The following GALNT13 variants were observed in gnomAD, a reference collection of about 807,000 sequenced individuals.
GALNT13 encodes polypeptide N-acetylgalactosaminyltransferase 13.
In GALNT13, 28 loss-of-function variants were observed where a neutral mutation model predicts 64.2. The observed-to-expected ratio is 0.44, with a 90% CI of 0.32 to 0.60. GALNT13 has a LOEUF of 0.60. GALNT13 is among the 20% of genes least tolerant of loss of function. The pLI is 0.05. For missense variants in GALNT13, 577 were observed against 669.8 expected (o/e 0.86, Z 1.53); for synonymous variants, 214 against 224.6 (o/e 0.95, Z 0.42).
At chr2:153,775,643 C>T in the GALNT13 span, among the ~76,000 whole-genome samples, 1 of 152,010 alleles carries the variant, frequency 6.6e-6, no homozygotes, top group South Asian at 2.1e-4. Flanking sequence ...ATATCTTTTT[C>T]ATCATGTACT....
chr2:154,006,236 G>A (rs1384521206), intron 3 of GALNT13, among the ~76,000 whole-genome samples: 1 of 152,132 alleles, frequency 6.6e-6, no homozygotes, highest in African/African-American at 2.4e-5. Flanking sequence ...AGAAAATTAT[G>A]TGAATTACTG....
the GALNT13 span, among the ~76,000 whole-genome samples, chr2:153,538,371 AT>A: frequency 2.3e-3 from 63 of 26,820 alleles, no homozygotes; most frequent in East Asian, 0.11. Flanking sequence ...TATTTTATTT[AT>A]TTTATTTTAT....
At chr2:154,412,412 G>A (rs1699832728) in intron 11 of GALNT13, among the ~76,000 whole-genome samples, 1 of 151,322 alleles carries the variant, frequency 6.6e-6, no homozygotes. Context: ...TTATTTTTAT[G>A]GTTATTTAGT....
At chr2:154,157,723 T>C (rs937042736) in intron 4 of GALNT13, among the ~76,000 whole-genome samples, 5 of 152,214 alleles carry the variant, frequency 3.3e-5, no homozygotes, top group African/African-American at 9.6e-5. Flanking sequence ...TTCCCTGCAA[T>C]TGACTTTTAT....
intron 4 of GALNT13, among the ~76,000 whole-genome samples, chr2:154,225,160 T>TAGATAGATAGATA (rs1553499132): frequency 1.8e-4 from 25 of 138,022 alleles, no homozygotes; most frequent in East Asian, 4.4e-4. Flanking sequence ...GATAGATAGA[T>TAGATAGATAGATA]GATAGATAGA....
chr2:153,729,557 A>G, the GALNT13 span, among the ~76,000 whole-genome samples: 14 of 152,190 alleles, frequency 9.2e-5, no homozygotes, highest in African/African-American at 3.1e-4. Flanking sequence ...CTCTGGAGTC[A>G]ATTTTGATGT....
chr2:153,379,356 T>G, the GALNT13 span, among the ~76,000 whole-genome samples: 2 of 152,274 alleles, frequency 1.3e-5, no homozygotes, highest in East Asian at 3.9e-4. Flanking sequence ...TAAAGAGGGT[T>G]GGAGACCATC....
chr2:153,538,326 C>CTTTTTTTTTTTTTTTTTTTTTTTTTATT, the GALNT13 span, among the ~76,000 whole-genome samples: 1 of 100,846 alleles, frequency 9.9e-6, no homozygotes, highest in Non-Finnish European at 2.2e-5. Flanking sequence ...TTTTTTAATT[C>CTTTTTTTTTTTTTTTTTTTTTTTTTATT]TTTTTTTTTT....
At chr2:153,753,754 C>A in the GALNT13 span, among the ~76,000 whole-genome samples, 1 of 152,330 alleles carries the variant, frequency 6.6e-6, no homozygotes, top group Middle Eastern at 3.4e-3. Flanking sequence ...GCTCTACAGT[C>A]AGCAGGTGGC....
chr2:153,493,181 A>G, the GALNT13 span, among the ~76,000 whole-genome samples: 1 of 152,116 alleles, frequency 6.6e-6, no homozygotes, highest in South Asian at 2.1e-4. Context: ...GAAAGTAATG[A>G]AATAGAAAGC....
chr2:153,925,202 T>C (rs1347602815), intron 2 of GALNT13, among the ~76,000 whole-genome samples: 1 of 152,140 alleles, frequency 6.6e-6, no homozygotes, highest in Non-Finnish European at 1.5e-5. Flanking sequence ...TATTCACATA[T>C]TTAATCCATC....
At chr2:153,858,431 G>A in the GALNT13 span, among the ~76,000 whole-genome samples, 1 of 152,136 alleles carries the variant, frequency 6.6e-6, no homozygotes, top group Non-Finnish European at 1.5e-5. Flanking sequence ...AGGAGCGCAG[G>A]GAGAGAAACA....
At chr2:153,126,294 TTGTATA>T in the GALNT13 span, among the ~76,000 whole-genome samples, 578 of 50,876 alleles carry the variant, frequency 0.011, 9 homozygotes, top group South Asian at 0.021. Flanking sequence ...AGTATTGATT[TTGTATA>T]TATATATATA....
chr2:153,762,135 G>T, the GALNT13 span: 3 of 152,198 alleles, frequency 2.0e-5, no homozygotes, highest in Non-Finnish European at 4.4e-5. Flanking sequence ...TAAGTATGCT[G>T]AACCATCCCA....
the GALNT13 span, among the ~76,000 whole-genome samples, chr2:153,205,179 T>G: frequency 1.3e-5 from 2 of 148,934 alleles, no homozygotes. Flanking sequence ...ACTTTAGTGT[T>G]TTTTTTTTTT....
the GALNT13 span, among the ~76,000 whole-genome samples, chr2:153,260,722 A>G: frequency 1.3e-5 from 2 of 152,138 alleles, no homozygotes; most frequent in Non-Finnish European, 2.9e-5. Context: ...TTCTACTTGA[A>G]TATTGATATC....
rs183170560 is a variant in GALNT13 at position 154,385,299 on chromosome 2, G to C, written c.1157-10692G>C. Among the ~76,000 whole-genome samples, 3 of 152,040 alleles carry C rather than the reference G, an allele frequency of 2.0e-5. No homozygotes were observed. In the East Asian group the frequency reaches 5.8e-4, roughly 29 times the overall value. ...AGTAACTCATTATATATGAATTCAA[G>C]TTTGGGATCTTGGATCAATCACACT... On this transcript the variant is annotated intron_variant, in intron 9 of 12. Transcript: ENST00000392825.
chr2:153,545,918 T>C, the GALNT13 span, among the ~76,000 whole-genome samples: 3 of 152,138 alleles, frequency 2.0e-5, no homozygotes, highest in Non-Finnish European at 4.4e-5. Context: ...TGACAGGAAA[T>C]GGAACCCAGC....
the GALNT13 span, among the ~76,000 whole-genome samples, chr2:153,212,283 A>G: frequency 1.2e-4 from 19 of 152,356 alleles, no homozygotes; most frequent in Middle Eastern, 6.8e-3. Flanking sequence ...GAACAATAGT[A>G]AAATCCTCTA....
Sources: allele counts gnomAD v4.1 joint callset (sites outside exome capture counted in the v4.1 genomes callset), GRCh38; gene constraint gnomAD v4.1.1; transcripts MANE v1.5; gene names NCBI Gene and HGNC (gene_info 2026-07-23, HGNC 2026-07-21).